The following PRDM9 variants were observed in gnomAD, a reference collection of about 807,000 sequenced individuals.
PRDM9 encodes PR/SET domain 9, also known as histone-lysine N-methyltransferase PRDM9.
PRDM9 carries 47 observed loss-of-function variants against 55.6 expected under a neutral mutation model. That is an observed-to-expected ratio of 0.85 (90% CI 0.67 to 1.08). The LOEUF (loss-of-function observed/expected upper bound fraction) is 1.08. Among genes scored for constraint, PRDM9 ranks in the 50% least tolerant of loss-of-function variants. The pLI, the probability that PRDM9 is intolerant of heterozygous loss-of-function variation, is 0.00. For synonymous variants in PRDM9, 312 were observed against 375.7 expected (o/e 0.83, Z 1.96); for missense variants, 867 against 1,040.3 (o/e 0.83, Z 2.29).
Position 23,526,236 on chromosome 5 carries a change from C to T in PRDM9, c.1148C>T (p.Pro383Leu). 2 of 1,614,138 alleles carry T rather than the reference C, an allele frequency of 1.2e-6. No homozygotes were observed. The highest frequency in any genetic ancestry group is 1.1e-5 in the South Asian group (1 of 91,076). Residue 383 changes from proline to leucine, a missense_variant, in exon 11 of 11, where the codon CCA becomes CTA. By Grantham distance (98) the Pro-to-Leu change is moderately conservative (BLOSUM62 -3). Coordinates refer to ENST00000296682, the MANE Select transcript of PRDM9 (RefSeq NM_020227.4). ...WKKELMAGREPKPEIHPCPSC... is the reference protein window; with the variant it reads ...WKKELMAGRELKPEIHPCPSC... ...GACCAAAAACTTCCTCTTTCAGAAC[C>T]AAAGCCAGAGATCCATCCATGTCCC...
chr5:23,509,717 TG>T (rs1579587498), intron 3 of PRDM9, 124 bp downstream of exon 3: 1 of 1,560,446 alleles, frequency 6.4e-7, no homozygotes, highest in Non-Finnish European at 8.8e-7. Flanking sequence ...TAGACAAATC[TG>T]GAGGGAAATT....
Position 23,527,993 on chromosome 5 carries a change from G to T in PRDM9, c.*220G>T, listed in dbSNP as rs1362156046. 4.4e-6 allele frequency: 3 copies of T among 681,482 alleles called. No individual in the cohort carries two copies. Among genetic ancestry groups the T allele is most frequent in the Non-Finnish European group, 7.4e-6 (3 of 403,062 alleles). 42.2% of individuals were successfully genotyped at this position (681,482 alleles called of 1,614,324 possible). Reference sequence around the variant, plus strand: ...GGGATAGTTCTGTAAGTGTTCGGGGGACATCAGCATGTGTGGTTCTTTCCC... The same window carrying T: ...GGGATAGTTCTGTAAGTGTTCGGGGTACATCAGCATGTGTGGTTCTTTCCC... On this transcript the variant is annotated 3_prime_UTR_variant, in exon 11 of 11. Transcript: ENST00000296682.
chr5:23,527,192 AGCTG>A lies in PRDM9; in HGVS notation c.2107_2110del (p.Trp703SerfsTer235), dbSNP rs1213774123. The A allele has an allele frequency of 1.1e-5, 7 of 645,722 alleles. No homozygotes were observed. The highest frequency in any genetic ancestry group is 2.1e-5 in the African/African-American group (1 of 47,938). The allele number at this position is 645,722 out of a possible 1,614,324, so 40.0% of individuals were successfully genotyped here. On this transcript the variant is annotated frameshift_variant, in exon 11 of 11. Coordinates refer to ENST00000296682, the MANE Select transcript of PRDM9 (RefSeq NM_020227.4). LOFTEE classifies it low-confidence loss of function (END_TRUNC). ...CTGCAGGGAGTGTGGGCGGGGCTTT[AGCTG>A]GCAGTCAGTCCTCCTCACTCACCAG...
chr5:23,511,429 T>A (rs776206660), intron 4 of PRDM9, among the ~76,000 whole-genome samples: 12 of 152,108 alleles, frequency 7.9e-5, no homozygotes, highest in African/African-American at 2.9e-4. Flanking sequence ...CACTGCAACC[T>A]CCACCTCCCA....
At chr5:23,521,244 G>A in intron 6 of PRDM9, 65 bp downstream of exon 6, 3 of 1,583,194 alleles carry the variant, frequency 1.9e-6, no homozygotes, top group Non-Finnish European at 2.6e-6. Flanking sequence ...GATGAGTATG[G>A]TCTACCTATG....
chr5:23,520,925 GA>G, intron 5 of PRDM9, 97 bp from the exon 6 acceptor site: 1 of 1,393,194 alleles, frequency 7.2e-7, no homozygotes, highest in Non-Finnish European at 1.0e-6. Context: ...TTCAAGGTTT[GA>G]ACATTAACTA....
Position 23,524,331 on chromosome 5 carries a change from C to G in PRDM9, c.951-3C>G, listed in dbSNP as rs987898362. The G allele has an allele frequency of 6.2e-7, 1 of 1,613,756 alleles. No individual in the cohort carries two copies. Among genetic ancestry groups the G allele is most frequent in the Non-Finnish European group, 8.5e-7 (1 of 1,179,746 alleles). On this transcript the variant is annotated splice_region_variant and splice_polypyrimidine_tract_variant and intron_variant, in intron 9 of 10. Transcript: ENST00000296682. ...TCTTTCCCTTTGCCTGCCTTGACCC[C>G]AGGTATGTGAACTGTGCCCGGGATG...
chr5:23,511,297 A>T (rs1026193805), intron 4 of PRDM9, among the ~76,000 whole-genome samples: 1 of 152,126 alleles, frequency 6.6e-6, no homozygotes, highest in Non-Finnish European at 1.5e-5. Context: ...GACAGTATAT[A>T]CAGTAAGAGG....
chr5:23,518,064 A>G, intron 5 of PRDM9, 134 bp downstream of exon 5: 1 of 809,244 alleles, frequency 1.2e-6, no homozygotes, highest in Non-Finnish European at 2.2e-6. Context: ...AGTGTCTGAC[A>G]TCATCATTAT....
At chr5:23,521,222 T>C in intron 6 of PRDM9, 43 bp downstream of exon 6, 2 of 1,607,192 alleles carry the variant, frequency 1.2e-6, no homozygotes, top group Non-Finnish European at 1.7e-6. Context: ...CTCTATGTCC[T>C]CTAGAAAGGT....
intron 5 of PRDM9, among the ~76,000 whole-genome samples, chr5:23,520,494 C>G (rs551379718): frequency 6.6e-6 from 1 of 151,652 alleles, no homozygotes; most frequent in African/African-American, 2.4e-5. Context: ...AATCTAATTC[C>G]AAAGCCAAAT....
chr5:23,524,269 A>G, intron 9 of PRDM9, 65 bp from the exon 10 acceptor site: 1 of 1,571,756 alleles, frequency 6.4e-7, no homozygotes, highest in Non-Finnish European at 8.8e-7. Flanking sequence ...GTGATGGGCC[A>G]TACCTGGATC....
intron 4 of PRDM9, among the ~76,000 whole-genome samples, chr5:23,512,476 A>G (rs1203209225): frequency 6.6e-6 from 1 of 152,186 alleles, no homozygotes; most frequent in Non-Finnish European, 1.5e-5. Flanking sequence ...TGTAAGAGGT[A>G]TGAAAGGCCA....
At position 23,509,074 on chromosome 5, in the gene PRDM9, A is replaced by G. The variant is rs1213133456; in HGVS notation, c.41A>G (p.Asp14Gly). 1 of 1,614,010 alleles carries G rather than the reference A, an allele frequency of 6.2e-7. No homozygotes were observed. Among genetic ancestry groups the G allele is most frequent in the African/African-American group, 1.3e-5 (1 of 74,928 alleles). ...EKSQEESPEE[D>G]TERTERKPMV... Reference sequence around the variant, plus strand: ...TCCCAAGAGGAGAGCCCAGAAGAAGACACAGAGAGAACAGAGCGGAAGCCC... The same window carrying G: ...TCCCAAGAGGAGAGCCCAGAAGAAGGCACAGAGAGAACAGAGCGGAAGCCC... Residue 14 changes from aspartate (D) to glycine (G), a missense_variant, in exon 2 of 11, where the codon GAC (aspartate) becomes GGC (glycine). Physicochemically the swap from Asp to Gly is moderately conservative, Grantham distance 94. This residue lies in a region of PRDM9 where 662 missense variants were observed against 711.9 expected (regional missense o/e 0.93). Coordinates refer to ENST00000296682, the MANE Select transcript of PRDM9 (RefSeq NM_020227.4).
intron 4 of PRDM9, among the ~76,000 whole-genome samples, chr5:23,516,672 C>A (rs535380389): frequency 4.7e-5 from 7 of 150,276 alleles, no homozygotes; most frequent in African/African-American, 1.5e-4. Context: ...ATGCTCGGCC[C>A]GAATTCATGT....
intron 10 of PRDM9, among the ~76,000 whole-genome samples, chr5:23,525,144 C>G (rs1199876733): frequency 6.6e-6 from 1 of 152,186 alleles, no homozygotes; most frequent in Non-Finnish European, 1.5e-5. Flanking sequence ...AGCGGATTGT[C>G]AGGGAAGATT....
At chr5:23,523,441 C>G (rs1447180963) in intron 9 of PRDM9, 83 bp downstream of exon 9, 1 of 1,421,512 alleles carries the variant, frequency 7.0e-7, no homozygotes, top group East Asian at 2.3e-5. Flanking sequence ...TTATGCCTCC[C>G]TCAATGATTT....
intron 1 of PRDM9, 129 bp from the exon 2 acceptor site, chr5:23,508,821 G>T: frequency 1.7e-6 from 1 of 592,670 alleles, no homozygotes; most frequent in Non-Finnish European, 3.0e-6. Context: ...ATCTCCCTGG[G>T]GTGCTCGAGA....
chr5:23,518,360 A>G (rs565506745), intron 5 of PRDM9, among the ~76,000 whole-genome samples: 8 of 152,220 alleles, frequency 5.3e-5, no homozygotes, highest in Non-Finnish European at 8.8e-5. Flanking sequence ...TTAACACAAG[A>G]TCATTAAAAG....
Sources: allele counts gnomAD v4.1 joint callset (sites outside exome capture counted in the v4.1 genomes callset), GRCh38; gene constraint gnomAD v4.1.1; regional missense constraint gnomAD v4.1.1; transcripts MANE v1.5; gene names NCBI Gene and HGNC (gene_info 2026-07-23, HGNC 2026-07-21).